Variants in PSMD14 observed in about 807,000 individuals in gnomAD.
PSMD14 encodes proteasome 26S subunit, non-ATPase 14.
A neutral mutation model predicts 41.2 loss-of-function variants in PSMD14; 7 were observed. The observed-to-expected ratio is 0.17, with a 90% confidence interval of 0.10 to 0.32. PSMD14 has a LOEUF of 0.32. Among genes scored for constraint, PSMD14 ranks in the 10% least tolerant of loss-of-function variants. PSMD14 has a pLI of 1.00. For synonymous variants in PSMD14, 114 were observed against 122.3 expected, an observed-to-expected ratio of 0.93 and a Z score of 0.45; for missense variants, 139 against 375.6, an observed-to-expected ratio of 0.37 and a Z score of 5.21.
At chr2:161,375,338 A>C (rs1260986673) in intron 7 of PSMD14, among the ~76,000 whole-genome samples, 1 of 152,066 alleles carries the variant, frequency 6.6e-6, no homozygotes, top group African/African-American at 2.4e-5. Context: ...TTCTGTAAGT[A>C]TTAAGTTGGT....
At chr2:161,392,457 AC>A (rs1683725125) in intron 9 of PSMD14, among the ~76,000 whole-genome samples, 1 of 152,048 alleles carries the variant, frequency 6.6e-6, no homozygotes, top group Non-Finnish European at 1.5e-5. Context: ...CTCCACGCTT[AC>A]CCCCTCTTTC....
In PSMD14 at chr2:161,394,016, G is replaced by A. The variant is rs985703646; in HGVS notation, c.646-1062G>A. ...TTTGGAGTCTCACTCTGTCACCCAG[G>A]CTGGAGTGTAGTGGCGTGACCTCAG... On this transcript the variant is annotated intron_variant, in intron 9 of 11. Transcript: ENST00000409682. 2.8e-5 allele frequency among the ~76,000 whole-genome samples: 4 copies of A among 140,942 alleles called. No individual in the cohort carries two copies. The Admixed American group carries it at 3.0e-4, about 11-fold the overall frequency. The allele number at this position is 140,942 out of a possible 152,430, so 92.5% of individuals were successfully genotyped here. A position where few individuals can be genotyped will look rare whatever the true frequency, so the allele number is the denominator to read the frequency against.
intron 7 of PSMD14, among the ~76,000 whole-genome samples, chr2:161,372,448 A>G (rs1390846891): frequency 6.6e-6 from 1 of 151,978 alleles, no homozygotes; most frequent in Non-Finnish European, 1.5e-5. Context: ...ATGTTTTCTG[A>G]CATCATGTCA....
chr2:161,393,519 A>G (rs988223007), intron 9 of PSMD14, among the ~76,000 whole-genome samples: 5 of 152,112 alleles, frequency 3.3e-5, no homozygotes, highest in Non-Finnish European at 7.4e-5. Context: ...CAGGCAGCTT[A>G]TTTTCCAATG....
At chr2:161,336,196 GTA>G (rs924836198) in intron 3 of PSMD14, among the ~76,000 whole-genome samples, 1 of 151,926 alleles carries the variant, frequency 6.6e-6, no homozygotes, top group Admixed American at 6.6e-5. Context: ...TGAATTATAT[GTA>G]TATATATAGC....
At chr2:161,391,262 G>A in intron 9 of PSMD14, 84 bp downstream of exon 9, 3 of 1,301,080 alleles carry the variant, frequency 2.3e-6, no homozygotes, top group South Asian at 1.9e-5. Context: ...ATTTAAATTC[G>A]AATTTTTGAC....
At chr2:161,347,133 G>C (rs895286678) in intron 3 of PSMD14, among the ~76,000 whole-genome samples, 16 of 152,074 alleles carry the variant, frequency 1.1e-4, no homozygotes, top group South Asian at 2.1e-4. Flanking sequence ...GCTAGGGTAA[G>C]GCTCACCTCA....
intron 7 of PSMD14, among the ~76,000 whole-genome samples, chr2:161,374,049 G>T (rs1282521247): frequency 1.3e-5 from 2 of 151,864 alleles, no homozygotes; most frequent in Non-Finnish European, 2.9e-5. Flanking sequence ...GTTAGCAGCA[G>T]AACAAAGATA....
chr2:161,371,586 GA>G (rs1683435258), intron 7 of PSMD14, among the ~76,000 whole-genome samples: 1 of 151,948 alleles, frequency 6.6e-6, no homozygotes, highest in Non-Finnish European at 1.5e-5. Flanking sequence ...ATAAAATTAG[GA>G]AAGTTAAACC....
chr2:161,341,159 C>T, intron 3 of PSMD14: 2 of 1,018,018 alleles, frequency 2.0e-6, no homozygotes, highest in Non-Finnish European at 2.4e-6. Flanking sequence ...AGGGGCGGGA[C>T]GGCGCCGGGG....
At chr2:161,411,227 A>G (rs1684019153) in intron 11 of PSMD14, 75 bp from the exon 12 acceptor site, 1 of 881,714 alleles carries the variant, frequency 1.1e-6, no homozygotes, top group East Asian at 2.8e-5. Flanking sequence ...TTCATCAGCT[A>G]CTGAAAAAAA....
At chr2:161,343,293 A>T (rs2105243179) in intron 3 of PSMD14, among the ~76,000 whole-genome samples, 1 of 152,266 alleles carries the variant, frequency 6.6e-6, no homozygotes, top group Non-Finnish European at 1.5e-5. Context: ...TATTCAAAGG[A>T]CCTCACATAT....
intron 3 of PSMD14, among the ~76,000 whole-genome samples, chr2:161,341,862 T>A (rs1682966579): frequency 7.4e-6 from 1 of 135,250 alleles, no homozygotes. Flanking sequence ...AAATTAAAAT[T>A]AAAAAAAATA....
intron 3 of PSMD14, among the ~76,000 whole-genome samples, chr2:161,326,050 T>C (rs1033958523): frequency 6.6e-6 from 1 of 152,184 alleles, no homozygotes; most frequent in Non-Finnish European, 1.5e-5. Flanking sequence ...ATTTTTTTTG[T>C]TTTTTAAGAT....
intron 3 of PSMD14, among the ~76,000 whole-genome samples, chr2:161,354,917 A>G (rs1683174316): frequency 1.3e-5 from 2 of 152,124 alleles, no homozygotes; most frequent in African/African-American, 4.8e-5. Flanking sequence ...TATATTCTCA[A>G]AATACTGGCT....
chr2:161,356,250 A>G (rs545838481), intron 3 of PSMD14, among the ~76,000 whole-genome samples: 4 of 152,294 alleles, frequency 2.6e-5, no homozygotes, highest in Admixed American at 6.5e-5. Flanking sequence ...AACACCTCCT[A>G]TAACAGGTTG....
chr2:161,309,113 A>C (rs1172507200), intron 1 of PSMD14, among the ~76,000 whole-genome samples: 10 of 152,228 alleles, frequency 6.6e-5, no homozygotes, highest in Non-Finnish European at 1.5e-4. Flanking sequence ...TTGGACCTTG[A>C]ATATCTTAAA....
At chr2:161,343,677 A>C (rs1469481906) in intron 3 of PSMD14, among the ~76,000 whole-genome samples, 1 of 152,194 alleles carries the variant, frequency 6.6e-6, no homozygotes, top group Non-Finnish European at 1.5e-5. Flanking sequence ...AAAATACAAA[A>C]GCTAGCCATG....
intron 3 of PSMD14, among the ~76,000 whole-genome samples, chr2:161,326,014 A>T (rs1682690335): frequency 6.6e-6 from 1 of 152,158 alleles, no homozygotes; most frequent in African/African-American, 2.4e-5. Context: ...TGGATTGAAT[A>T]TCTAAATATG....
Sources: gnomAD v4.1 joint callset for allele counts (sites outside exome capture counted in the v4.1 genomes callset) on GRCh38, gnomAD v4.1.1 for gene constraint, MANE v1.5 for transcripts, NCBI Gene and HGNC (gene_info 2026-07-23, HGNC 2026-07-21) for gene names.